The following FBXL22 variants were observed in gnomAD, a reference collection of about 807,000 sequenced individuals.
FBXL22 encodes the protein F-box and leucine rich repeat protein 22.
In FBXL22, 13 loss-of-function variants were observed where a neutral mutation model predicts 11.7. The ratio of observed to expected loss-of-function variants is 1.11; its 90% CI spans 0.73 to 1.77. The LOEUF (loss-of-function observed/expected upper bound fraction) is 1.77, where lower values mean the gene tolerates loss of function less well. Among genes scored for constraint, FBXL22 ranks in the 40% most tolerant of loss-of-function variants. The probability of loss-of-function intolerance (pLI) is 0.00; values close to 1 mark genes in which losing one functional copy is unlikely to be tolerated. For synonymous variants in FBXL22, 160 were observed against 144.1 expected, an observed-to-expected ratio of 1.11 and a Z score of -0.79; for missense variants, 406 against 320.4, an observed-to-expected ratio of 1.27 and a Z score of -2.04.
chr15:63,608,377 T>C, the FBXL22 span, among the ~76,000 whole-genome samples: 2 of 152,140 alleles, frequency 1.3e-5, no homozygotes, highest in Non-Finnish European at 2.9e-5. Flanking sequence ...AGACCCAGGA[T>C]GACAGAAGAA....
downstream of FBXL22, among the ~76,000 whole-genome samples, chr15:63,607,278 C>T (rs574254932): frequency 2.6e-5 from 4 of 152,290 alleles, no homozygotes; most frequent in South Asian, 2.1e-4. Flanking sequence ...ATCTCCTGAC[C>T]TTGTGATCCA....
downstream of FBXL22, chr15:63,601,667 C>T (rs1193414147): frequency 6.2e-7 from 1 of 1,607,860 alleles, no homozygotes; most frequent in South Asian, 1.1e-5. Context: ...TTTCCTGGGG[C>T]GGATGCGTTC....
At chr15:63,598,676 A>C (rs530040133) in intron 1 of FBXL22, among the ~76,000 whole-genome samples, 1 of 152,304 alleles carries the variant, frequency 6.6e-6, no homozygotes, top group African/African-American at 2.4e-5. Context: ...GTTTACTGCC[A>C]CCCAAGTTCA....
downstream of FBXL22, chr15:63,601,668 G>A (rs376600116): frequency 3.7e-6 from 6 of 1,607,910 alleles, no homozygotes; most frequent in African/African-American, 6.7e-5. Flanking sequence ...TTCCTGGGGC[G>A]GATGCGTTCC....
downstream of FBXL22, among the ~76,000 whole-genome samples, chr15:63,603,916 G>A (rs983741910): frequency 2.6e-5 from 4 of 152,182 alleles, no homozygotes; most frequent in Non-Finnish European, 5.9e-5. Flanking sequence ...TGTTGGGAAC[G>A]AATTTTTCTC....
chr15:63,597,764 T>G lies in FBXL22; in HGVS notation c.353+19T>G. The G allele has an allele frequency of 6.4e-7, 1 of 1,553,708 alleles. No homozygotes were observed. The highest frequency in any genetic ancestry group is 1.2e-5 in the South Asian group (1 of 82,942). On this transcript the variant is annotated intron_variant, in intron 1 of 1. Transcript: ENST00000638704. This position sits in a 1 kb window ranked among gnomAD's most constrained non-coding sequence, Gnocchi z 4.3. ...GCGACAGGTAGGCCACCTTGCCTCCTGAGCAGTGCTGGCCCCGCTAGCTCT... is the reference window on the plus strand; with the variant it reads ...GCGACAGGTAGGCCACCTTGCCTCCGGAGCAGTGCTGGCCCCGCTAGCTCT...
intron 1 of FBXL22, chr15:63,599,205 G>A: frequency 1.3e-6 from 2 of 1,536,022 alleles, no homozygotes; most frequent in South Asian, 2.4e-5. Flanking sequence ...AGGTACTGAT[G>A]AACGTCTACT....
downstream of FBXL22, chr15:63,601,504 G>T (rs747672003): frequency 3.2e-6 from 5 of 1,550,180 alleles, no homozygotes; most frequent in Admixed American, 3.9e-5. Context: ...GACCCCGCCG[G>T]CTCCCGGAGT....
downstream of FBXL22, among the ~76,000 whole-genome samples, chr15:63,603,380 G>C (rs1350992731): frequency 6.6e-6 from 1 of 152,080 alleles, no homozygotes. Flanking sequence ...TAGCAATCTG[G>C]CTACTTCCCC....
rs2067364681 is a variant in FBXL22, at chr15:63,601,099, A to G, written c.*60A>G. The G allele has an allele frequency of 2.3e-6, 3 of 1,296,524 alleles. No individual in the cohort carries two copies. Among genetic ancestry groups the G allele is most frequent in the Non-Finnish European group, 2.9e-6 (3 of 1,024,464 alleles). 80.3% of individuals were successfully genotyped at this position (1,296,524 alleles called of 1,614,324 possible). Reference sequence around the variant, plus strand: ...CAGCCCCAGACCGTCCTGGCTTCGAACCCAGCTCTTCCACCTTCAGACCAC... The same window carrying G: ...CAGCCCCAGACCGTCCTGGCTTCGAGCCCAGCTCTTCCACCTTCAGACCAC... On this transcript the variant is annotated 3_prime_UTR_variant, in exon 2 of 2. Transcript: ENST00000638704.
chr15:63,601,867 A>C (rs1323504419), downstream of FBXL22: 1 of 834,614 alleles, frequency 1.2e-6, no homozygotes, highest in Non-Finnish European at 1.7e-6. Context: ...TAATGGAACC[A>C]TTATAAGCTG....
In FBXL22 at chr15:63,599,691, T is replaced by G. The variant is rs953017962; in HGVS notation, c.354-1006T>G. ...GCACAGCCAGGGGCAGTCACGGAGC[T>G]GCGGGGGAGGCTGGCAGGGAAAGGG... On this transcript the variant is annotated intron_variant, in intron 1 of 1. Transcript: ENST00000638704. The G allele has an allele frequency of 1.7e-5, 17 of 986,706 alleles. No homozygotes were observed. In the Admixed American group the frequency reaches 2.4e-4, roughly 14 times the overall value. The allele number at this position is 986,706 out of a possible 1,614,324, so 61.1% of individuals were successfully genotyped here. A position where few individuals can be genotyped will look rare whatever the true frequency, so the allele number is the denominator to read the frequency against.
downstream of FBXL22, among the ~76,000 whole-genome samples, chr15:63,604,586 T>A (rs2067404500): frequency 6.6e-6 from 1 of 152,220 alleles, no homozygotes; most frequent in Non-Finnish European, 1.5e-5. Flanking sequence ...CTCTGCCTTC[T>A]AACAGACACT....
intron 1 of FBXL22, chr15:63,599,039 C>A: frequency 2.9e-6 from 2 of 683,118 alleles, no homozygotes; most frequent in African/African-American, 1.8e-5. Context: ...TTGCTGTCAG[C>A]ACTCTGCTGA....
chr15:63,599,061 C>G, intron 1 of FBXL22: 2 of 795,512 alleles, frequency 2.5e-6, no homozygotes. Flanking sequence ...CCGCTCAGCT[C>G]GTCCAACCAT....
downstream of FBXL22, among the ~76,000 whole-genome samples, chr15:63,603,863 T>C (rs1263085474): frequency 6.6e-6 from 1 of 152,184 alleles, no homozygotes; most frequent in Non-Finnish European, 1.5e-5. Context: ...TTTTTGGTGA[T>C]TTCTCAGTTT....
In FBXL22 at chr15:63,601,101, C is replaced by A; in HGVS notation, c.*62C>A. 1 of 1,296,812 alleles carries A rather than the reference C, an allele frequency of 7.7e-7. No homozygotes were observed. The allele number at this position is 1,296,812 out of a possible 1,614,324, so 80.3% of individuals were successfully genotyped here. On this transcript the variant is annotated 3_prime_UTR_variant, in exon 2 of 2. Transcript: ENST00000638704. ...GCCCCAGACCGTCCTGGCTTCGAACCCAGCTCTTCCACCTTCAGACCACCA... is the reference window on the plus strand; with the variant it reads ...GCCCCAGACCGTCCTGGCTTCGAACACAGCTCTTCCACCTTCAGACCACCA...
At chr15:63,606,379 G>T (rs1403884008), downstream of FBXL22, among the ~76,000 whole-genome samples, 4 of 152,214 alleles carry the variant, frequency 2.6e-5, no homozygotes, top group East Asian at 7.7e-4. Context: ...GATGGTCAAC[G>T]TTTGCTTGAG....
Position 63,601,085 on chromosome 15 carries a change from CG to C in FBXL22, c.*47del. ...CCGGGGAAGGAGCGCAGCCCCAGACCGTCCTGGCTTCGAACCCAGCTCTTCC... is the reference window on the plus strand; with the variant it reads ...CCGGGGAAGGAGCGCAGCCCCAGACCTCCTGGCTTCGAACCCAGCTCTTCC... On this transcript the variant is annotated 3_prime_UTR_variant, in exon 2 of 2. Transcript: ENST00000638704. 7.9e-7 allele frequency: 1 copy of C among 1,271,594 alleles called. No homozygotes were observed. The highest frequency in any genetic ancestry group is 9.9e-7 in the Non-Finnish European group (1 of 1,010,402). 78.8% of individuals were successfully genotyped at this position (1,271,594 alleles called of 1,614,324 possible).
Sources: gnomAD v4.1 joint callset for allele counts (sites outside exome capture counted in the v4.1 genomes callset) on GRCh38, gnomAD v4.1.1 for gene constraint, Gnocchi (gnomAD v3.1) non-coding constraint, MANE v1.5 for transcripts, NCBI Gene and HGNC (gene_info 2026-07-23, HGNC 2026-07-21) for gene names.